DCP2: variants seen among roughly 807,000 people sequenced by gnomAD.
The protein encoded by DCP2 is m7GpppN-mRNA hydrolase.
DCP2 carries 30 observed loss-of-function variants against 56.1 expected under a neutral mutation model. The ratio of observed to expected loss-of-function variants is 0.53; its 90% CI spans 0.40 to 0.73. The LOEUF (loss-of-function observed/expected upper bound fraction) is 0.73, where lower values mean the gene tolerates loss of function less well. DCP2 is among the 30% of genes least tolerant of loss of function. DCP2 has a pLI of 0.00. For missense variants in DCP2, 533 were observed against 502.7 expected (o/e 1.06, Z -0.58); for synonymous variants, 197 against 163.3 (o/e 1.21, Z -1.57).
At chr5:112,987,620 C>CCTTTTTTTTT (rs1748356511) in intron 2 of DCP2, among the ~76,000 whole-genome samples, 2 of 69,736 alleles carry the variant, frequency 2.9e-5, no homozygotes, top group African/African-American at 1.2e-4. Flanking sequence ...ACCTAGGTGC[C>CCTTTTTTTTT]TTTTTTTTTT....
chr5:112,983,341 C>T (rs1408194741), intron 1 of DCP2, among the ~76,000 whole-genome samples: 1 of 152,126 alleles, frequency 6.6e-6, no homozygotes, highest in Non-Finnish European at 1.5e-5. Context: ...TTCAGCATTT[C>T]AACAGAGCGG....
At chr5:113,008,213 G>C in intron 9 of DCP2, 171 bp downstream of exon 9, 5 of 514,890 alleles carry the variant, frequency 9.7e-6, no homozygotes, top group Non-Finnish European at 1.7e-5. Context: ...ATCTCTGGCT[G>C]CTCTTAATTA....
intron 4 of DCP2, among the ~76,000 whole-genome samples, chr5:112,993,329 C>T (rs186954751): frequency 6.6e-5 from 10 of 152,200 alleles, no homozygotes; most frequent in African/African-American, 1.4e-4. Flanking sequence ...TGATTTGTTT[C>T]GGCCTTTAAA....
In DCP2 at chr5:113,008,004, A is replaced by G; in HGVS notation, c.1009A>G (p.Asn337Asp). Residue 337 changes from asparagine (N) to aspartate (D), a missense_variant, in exon 9 of 11, where the codon AAT (asparagine) becomes GAT (aspartate). Physicochemically the swap from Asn to Asp is conservative, Grantham distance 23. This residue lies in a region of DCP2 where 392 missense variants were observed against 346.6 expected (regional missense o/e 1.13). Coordinates refer to ENST00000389063, the MANE Select transcript of DCP2 (RefSeq NM_152624.6). ...TTCACCTAATCAAAAGAAAAGAACA[A>G]ATGGGCTTCAGCCAGCAAAGCAGCA... ...QDSPNQKKRT[N>D]GLQPAKQQNS... The G allele has an allele frequency of 1.2e-6, 2 of 1,614,074 alleles. No individual in the cohort carries two copies. The highest frequency in any genetic ancestry group is 1.7e-6 in the Non-Finnish European group (2 of 1,179,962).
chr5:113,000,420 A>ACACACACACACACACACACACC (rs112449298), intron 4 of DCP2, among the ~76,000 whole-genome samples: 1 of 146,762 alleles, frequency 6.8e-6, no homozygotes, highest in African/African-American at 2.5e-5. Context: ...ACACACACAC[A>ACACACACACACACACACACACC]CACACCCACA....
chr5:113,014,869 G>C lies in DCP2; in HGVS notation c.*1385G>C, dbSNP rs1561709272. On this transcript the variant is annotated 3_prime_UTR_variant, in exon 11 of 11. Coordinates refer to ENST00000389063, the MANE Select transcript of DCP2 (RefSeq NM_152624.6). ...ATTGTAGAAATCTTTATTCTGTGTA[G>C]GTAGCCTATTTAATTGGGTTCCACT... The C allele has an allele frequency of 6.6e-6, 1 of 152,560 alleles. No individual in the cohort carries two copies. The highest frequency in any genetic ancestry group is 1.5e-5 in the Non-Finnish European group (1 of 68,034). The allele number at this position is 152,560 out of a possible 1,614,324, so 9.5% of individuals were successfully genotyped here.
At chr5:112,978,194 C>G (rs979762728) in intron 1 of DCP2, among the ~76,000 whole-genome samples, 4 of 152,114 alleles carry the variant, frequency 2.6e-5, no homozygotes, top group Non-Finnish European at 5.9e-5. Flanking sequence ...CCGTGCTGGT[C>G]TCGAACTTCT....
At chr5:112,999,045 A>G (rs548046695) in intron 4 of DCP2, among the ~76,000 whole-genome samples, 80 of 152,312 alleles carry the variant, frequency 5.3e-4, no homozygotes, top group African/African-American at 1.9e-3. Flanking sequence ...ACGTCTCTTC[A>G]GTCTCCTTTA....
chr5:112,979,058 C>T (rs1277416255), intron 1 of DCP2, among the ~76,000 whole-genome samples: 2 of 149,776 alleles, frequency 1.3e-5, no homozygotes, highest in Non-Finnish European at 3.0e-5. Context: ...AAAATAATTA[C>T]GTTGTATTTT....
chr5:113,008,988 T>C (rs1000053890), intron 9 of DCP2, among the ~76,000 whole-genome samples: 14 of 151,862 alleles, frequency 9.2e-5, no homozygotes, highest in African/African-American at 3.4e-4. Flanking sequence ...GGACTAGAGG[T>C]GTGCGCCACC....
intron 1 of DCP2, 123 bp from the exon 2 acceptor site, chr5:112,985,712 T>A: frequency 9.4e-7 from 1 of 1,068,304 alleles, no homozygotes; most frequent in Non-Finnish European, 1.3e-6. Flanking sequence ...ATTGCTTCCT[T>A]GAACAGTACT....
At chr5:113,000,358 G>A (rs564705570) in intron 4 of DCP2, among the ~76,000 whole-genome samples, 7 of 151,074 alleles carry the variant, frequency 4.6e-5, no homozygotes, top group Non-Finnish European at 7.4e-5. Context: ...GTGAGCCACT[G>A]TGCCCAGTCC....
In DCP2 at chr5:112,977,006, C is replaced by G; in HGVS notation, c.53+20C>G. 2 of 1,496,586 alleles carry G rather than the reference C, an allele frequency of 1.3e-6. No individual in the cohort carries two copies. Among genetic ancestry groups the G allele is most frequent in the South Asian group, 1.3e-5 (1 of 77,858 alleles). The allele number at this position is 1,496,586 out of a possible 1,614,324, so 92.7% of individuals were successfully genotyped here. A position where few individuals can be genotyped will look rare whatever the true frequency, so the allele number is the denominator to read the frequency against. On this transcript the variant is annotated intron_variant, in intron 1 of 10. Transcript: ENST00000389063. ...CTGCAGGTACCGCGCTACCCGACCCCCTTTCGCCCCCGTCGGGTTTTCTCA... is the reference window on the plus strand; with the variant it reads ...CTGCAGGTACCGCGCTACCCGACCCGCTTTCGCCCCCGTCGGGTTTTCTCA...
At position 113,015,086 on chromosome 5, in the gene DCP2, A is replaced by G. The variant is rs1040152344; in HGVS notation, c.*1602A>G. ...AGAATTATGATATTCAGAATCCTGC[A>G]TCTTTTAATGTGACAAATTTTTGAA... On this transcript the variant is annotated 3_prime_UTR_variant, in exon 11 of 11. Transcript: ENST00000389063. 1 of 152,680 alleles carries G rather than the reference A, an allele frequency of 6.5e-6. No individual in the cohort carries two copies. The highest frequency in any genetic ancestry group is 2.4e-5 in the African/African-American group (1 of 41,474). 9.5% of individuals were successfully genotyped at this position (152,680 alleles called of 1,614,324 possible).
chr5:112,980,842 T>C (rs1205807151), intron 1 of DCP2, among the ~76,000 whole-genome samples: 1 of 152,162 alleles, frequency 6.6e-6, no homozygotes, highest in Non-Finnish European at 1.5e-5. Context: ...ATACCTCATA[T>C]TTTAAAATAT....
chr5:112,985,949 A>T lies in DCP2; in HGVS notation c.168A>T (p.Gly56=). ...ATTTCTACATGCAGAACACACCAGG[A>T]TTACCTCAGTGTGGGATAAGAGACT... The part of the protein sequence containing the change: ...YLDFYMQNTP[G]LPQCGIRDFA... Residue 56 remains glycine (G), a synonymous_variant, in exon 2 of 11, where the codon GGA becomes GGT. Coordinates refer to ENST00000389063, the MANE Select transcript of DCP2 (RefSeq NM_152624.6). 1 of 1,592,858 alleles carries T rather than the reference A, an allele frequency of 6.3e-7. No individual in the cohort carries two copies. Among genetic ancestry groups the T allele is most frequent in the Non-Finnish European group, 8.6e-7 (1 of 1,163,888 alleles).
chr5:112,993,038 C>G (rs1448442346), intron 4 of DCP2, among the ~76,000 whole-genome samples: 1 of 151,640 alleles, frequency 6.6e-6, no homozygotes, highest in African/African-American at 2.4e-5. Flanking sequence ...TCCCACCTTT[C>G]CCTTTAGAAT....
intron 7 of DCP2, among the ~76,000 whole-genome samples, chr5:113,003,351 T>G (rs73235110): frequency 6.6e-6 from 1 of 152,192 alleles, no homozygotes; most frequent in Non-Finnish European, 1.5e-5. Context: ...TTTTATACTT[T>G]AGAGGGTAGC....
intron 9 of DCP2, 37 bp downstream of exon 9, chr5:113,008,079 A>T: frequency 6.4e-7 from 1 of 1,554,112 alleles, no homozygotes; most frequent in Non-Finnish European, 8.9e-7. Context: ...TAGGCAGTTC[A>T]TCCTCTGAAG....
Sources: gnomAD v4.1 joint callset for allele counts (sites outside exome capture counted in the v4.1 genomes callset) on GRCh38, gnomAD v4.1.1 for gene constraint, gnomAD v4.1.1 regional missense constraint, MANE v1.5 for transcripts, NCBI Gene and HGNC (gene_info 2026-07-23, HGNC 2026-07-21) for gene names.